Variants in KMO observed in about 807,000 individuals in gnomAD.
KMO encodes the protein kynurenine 3-hydroxylase.
In KMO, 24 loss-of-function variants were observed where a neutral mutation model predicts 57.8. The observed-to-expected ratio is 0.42, with a 90% CI of 0.30 to 0.58. KMO has a LOEUF of 0.58. Among genes scored for constraint, KMO ranks in the 20% least tolerant of loss-of-function variants. The probability of loss-of-function intolerance (pLI) is 0.22; values close to 1 mark genes in which losing one functional copy is unlikely to be tolerated. For synonymous variants in KMO, 210 were observed against 193.6 expected (o/e 1.08, Z -0.70); for missense variants, 483 against 588.2 (o/e 0.82, Z 1.85).
intron 14 of KMO, 44 bp from the exon 15 acceptor site, chr1:241,591,909 T>C: frequency 6.6e-7 from 1 of 1,521,246 alleles, no homozygotes; most frequent in Non-Finnish European, 9.1e-7. Flanking sequence ...TTTTCAGATT[T>C]TAATCTCTGG....
At position 241,562,153 on chromosome 1, in the gene KMO, G is replaced by T. The variant is rs764845670; in HGVS notation, c.450-14G>T. 32 of 1,612,090 alleles carry T rather than the reference G, an allele frequency of 2.0e-5. No homozygotes were observed. Among genetic ancestry groups the T allele is most frequent in the Non-Finnish European group, 2.6e-5 (31 of 1,178,794 alleles). On this transcript the variant is annotated splice_polypyrimidine_tract_variant and intron_variant, in intron 6 of 14. Coordinates refer to ENST00000366559, the MANE Select transcript of KMO (RefSeq NM_003679.5). ...GACATATTTTTCTTTTGGATGTTTT[G>T]TTCTATTTTTCAGATCTGACAAAGT...
At chr1:241,562,355 C>T (rs748477220) in intron 7 of KMO, 23 bp downstream of exon 7, 3 of 1,611,908 alleles carry the variant, frequency 1.9e-6, no homozygotes, top group African/African-American at 2.7e-5. Context: ...CCTTTTTCAA[C>T]CCCTTCCCAC....
At chr1:241,555,473 C>T in intron 4 of KMO, 139 bp from the exon 5 acceptor site, 2 of 501,238 alleles carry the variant, frequency 4.0e-6, no homozygotes, top group Non-Finnish European at 7.2e-6. Context: ...AATCAAAGGT[C>T]ACTTAGCGAA....
In KMO at chr1:241,595,535, A is replaced by G. The variant is rs986598365; in HGVS notation, c.*3382A>G. 6.6e-6 allele frequency: 1 copy of G among 152,244 alleles called. No individual in the cohort carries two copies. Among genetic ancestry groups the G allele is most frequent in the South Asian group, 2.1e-4 (1 of 4,836 alleles). The allele number at this position is 152,244 out of a possible 1,614,324, so 9.4% of individuals were successfully genotyped here. ...GTCCATCATGACCAGTAAAACATAA[A>G]TCAAAAGTTAATGTAATTGTTATCC... is the stretch of plus-strand genomic sequence containing the variant. On this transcript the variant is annotated 3_prime_UTR_variant, in exon 15 of 15. Transcript: ENST00000366559.
intron 10 of KMO, among the ~76,000 whole-genome samples, chr1:241,580,785 G>T (rs188456460): frequency 1.3e-5 from 2 of 152,012 alleles, no homozygotes; most frequent in African/African-American, 4.8e-5. Context: ...CTATCTTTGA[G>T]GATGTTTCAT....
chr1:241,565,508 C>A (rs1662039482), intron 8 of KMO, among the ~76,000 whole-genome samples: 2 of 147,328 alleles, frequency 1.4e-5, no homozygotes, highest in Non-Finnish European at 3.0e-5. Context: ...ATTGCTTGAG[C>A]TCAGGAGTTC....
At chr1:241,558,608 C>G (rs1431863502) in intron 5 of KMO, among the ~76,000 whole-genome samples, 1 of 152,146 alleles carries the variant, frequency 6.6e-6, no homozygotes, top group Non-Finnish European at 1.5e-5. Flanking sequence ...CCAAATAAGT[C>G]TGACAAACCT....
At chr1:241,533,306 G>A (rs1221502430) in intron 1 of KMO, among the ~76,000 whole-genome samples, 1 of 152,162 alleles carries the variant, frequency 6.6e-6, no homozygotes, top group African/African-American at 2.4e-5. Flanking sequence ...AAATCATTTG[G>A]AGACTTTTCA....
At chr1:241,540,699 T>C (rs1660927694) in intron 1 of KMO, among the ~76,000 whole-genome samples, 1 of 152,134 alleles carries the variant, frequency 6.6e-6, no homozygotes, top group Admixed American at 6.6e-5. Flanking sequence ...AAATTTGGAA[T>C]TTTTTCCTGA....
chr1:241,552,141 A>G (rs565166485), intron 4 of KMO, among the ~76,000 whole-genome samples: 1 of 149,150 alleles, frequency 6.7e-6, no homozygotes, highest in African/African-American at 2.5e-5. Context: ...TCACCCCACC[A>G]CCTTGTCTGT....
chr1:241,559,591 T>C (rs1308901174), intron 5 of KMO, among the ~76,000 whole-genome samples: 1 of 152,132 alleles, frequency 6.6e-6, no homozygotes, highest in East Asian at 1.9e-4. Flanking sequence ...GTCTCTCAGA[T>C]TTTGCAAGAA....
intron 5 of KMO, among the ~76,000 whole-genome samples, chr1:241,559,094 C>T (rs1199513199): frequency 6.7e-6 from 1 of 149,408 alleles, no homozygotes; most frequent in Non-Finnish European, 1.5e-5. Flanking sequence ...GAGTGAAACT[C>T]TGTCTCAAAA....
chr1:241,534,471 A>G (rs994590753), intron 1 of KMO, among the ~76,000 whole-genome samples: 1 of 152,252 alleles, frequency 6.6e-6, no homozygotes, highest in Non-Finnish European at 1.5e-5. Flanking sequence ...CTTGCGTATT[A>G]GGGAGCAACT....
chr1:241,576,076 C>G (rs1370790714), intron 10 of KMO, among the ~76,000 whole-genome samples: 1 of 149,388 alleles, frequency 6.7e-6, no homozygotes, highest in East Asian at 2.0e-4. Context: ...GATATAATAG[C>G]TACCCCTGCT....
chr1:241,591,368 T>A (rs1385615473), intron 14 of KMO, among the ~76,000 whole-genome samples: 1 of 151,804 alleles, frequency 6.6e-6, no homozygotes, highest in East Asian at 1.9e-4. Context: ...TAAGCTACTG[T>A]CCAATCTCTT....
At chr1:241,539,486 A>C (rs1386948598) in intron 1 of KMO, among the ~76,000 whole-genome samples, 1 of 152,216 alleles carries the variant, frequency 6.6e-6, no homozygotes, top group Non-Finnish European at 1.5e-5. Flanking sequence ...ATGAGAAATT[A>C]AAAGCAAATA....
chr1:241,534,281 CATTTTAAAAA>C (rs1660679375), intron 1 of KMO, among the ~76,000 whole-genome samples: 4 of 152,168 alleles, frequency 2.6e-5, no homozygotes, highest in Admixed American at 2.6e-4. Flanking sequence ...AGTGATGTCT[CATTTTAAAAA>C]TTGTCTCTTA....
At chr1:241,571,909 C>T (rs1662296879) in intron 10 of KMO, among the ~76,000 whole-genome samples, 1 of 135,632 alleles carries the variant, frequency 7.4e-6, no homozygotes, top group African/African-American at 2.7e-5. Flanking sequence ...GCTCTGTTGC[C>T]AGGCTGGAGT....
At position 241,568,539 on chromosome 1, in the gene KMO, G is replaced by A. The variant is rs777083085; in HGVS notation, c.849G>A (p.Gln283=). 6.2e-7 allele frequency: 1 copy of A among 1,613,828 alleles called. No homozygotes were observed. Among genetic ancestry groups the A allele is most frequent in the African/African-American group, 1.3e-5 (1 of 75,012 alleles). Residue 283 remains glutamine, a synonymous_variant, in exon 10 of 15, where the codon CAG becomes CAA. Transcript: ENST00000366559. ...LVQDFFLLPA[Q]PMISVKCSSF... is the part of the protein sequence containing the mutation. ...AAGATTTCTTCCTGTTGCCTGCCCAGCCCATGATATCTGTAAAGTGCTCTT... is the reference window on the plus strand; with the variant it reads ...AAGATTTCTTCCTGTTGCCTGCCCAACCCATGATATCTGTAAAGTGCTCTT...
Sources: gnomAD v4.1 joint callset for allele counts (sites outside exome capture counted in the v4.1 genomes callset) on GRCh38, gnomAD v4.1.1 for gene constraint, MANE v1.5 for transcripts, NCBI Gene and HGNC (gene_info 2026-07-23, HGNC 2026-07-21) for gene names.